The following NVL variants were observed in gnomAD, a reference collection of about 807,000 sequenced individuals.
NVL encodes nuclear VCP like, also known as nuclear valosin-containing protein-like.
NVL carries 84 observed loss-of-function variants against 110.2 expected under a neutral mutation model. The ratio of observed to expected loss-of-function variants is 0.76; its 90% CI spans 0.64 to 0.91. The LOEUF (loss-of-function observed/expected upper bound fraction) is 0.91. Ranked by LOEUF, NVL falls within the 40% of genes least tolerant of loss-of-function variation. The probability of loss-of-function intolerance (pLI) is 0.00; values close to 1 mark genes in which losing one functional copy is unlikely to be tolerated. For synonymous variants in NVL, 354 were observed against 361.1 expected, an observed-to-expected ratio of 0.98 and a Z score of 0.22; for missense variants, 882 against 1,035.9, an observed-to-expected ratio of 0.85 and a Z score of 2.04.
chr1:224,262,750 G>C (rs1252476364), intron 18 of NVL, among the ~76,000 whole-genome samples: 1 of 151,996 alleles, frequency 6.6e-6, no homozygotes, highest in Non-Finnish European at 1.5e-5. Flanking sequence ...AGAAAACAAA[G>C]CAAAAGAAAA....
chr1:224,239,292 T>C (rs974796334), intron 19 of NVL, among the ~76,000 whole-genome samples: 8 of 151,740 alleles, frequency 5.3e-5, no homozygotes, highest in African/African-American at 1.9e-4. Flanking sequence ...TTGTTAATCT[T>C]TATTATTTAA....
chr1:224,302,321 C>T (rs1485798784), intron 9 of NVL, among the ~76,000 whole-genome samples: 1 of 152,082 alleles, frequency 6.6e-6, no homozygotes. Flanking sequence ...CCTGCCTTAG[C>T]CCCCAAGTAG....
intron 19 of NVL, among the ~76,000 whole-genome samples, chr1:224,239,119 A>AT (rs1391601163): frequency 1.3e-5 from 2 of 151,784 alleles, no homozygotes; most frequent in African/African-American, 4.8e-5. Context: ...CCACTTTTTA[A>AT]TTTCTTTCTT....
intron 4 of NVL, among the ~76,000 whole-genome samples, chr1:224,314,716 G>C (rs1198732680): frequency 6.6e-6 from 1 of 152,172 alleles, no homozygotes; most frequent in African/African-American, 2.4e-5. Flanking sequence ...CTAATATCAT[G>C]AGGCCGGTGT....
At chr1:224,273,521 T>G (rs962053012) in intron 17 of NVL, among the ~76,000 whole-genome samples, 2 of 151,994 alleles carry the variant, frequency 1.3e-5, no homozygotes, top group African/African-American at 2.4e-5. Flanking sequence ...AAGAGAGAGA[T>G]AAACCAGAAG....
intron 9 of NVL, among the ~76,000 whole-genome samples, chr1:224,302,361 C>T (rs942400577): frequency 3.9e-5 from 6 of 152,070 alleles, no homozygotes; most frequent in South Asian, 4.2e-4. Context: ...CCACCACACC[C>T]GGCTAATTTT....
intron 2 of NVL, among the ~76,000 whole-genome samples, chr1:224,325,720 C>G (rs1015367948): frequency 6.6e-6 from 1 of 152,206 alleles, no homozygotes; most frequent in South Asian, 2.1e-4. Flanking sequence ...GCAACAAGAG[C>G]GAAATTCTGT....
intron 22 of NVL, among the ~76,000 whole-genome samples, chr1:224,229,582 G>A (rs1028253573): frequency 6.6e-6 from 1 of 151,056 alleles, no homozygotes; most frequent in African/African-American, 2.4e-5. Flanking sequence ...CTACAGGTGC[G>A]CAGTAGCTGG....
chr1:224,296,438 G>A (rs1478957409), intron 11 of NVL, 63 bp downstream of exon 11: 35 of 811,748 alleles, frequency 4.3e-5, no homozygotes, highest in East Asian at 5.6e-5. Flanking sequence ...TTATCTTCAT[G>A]TATTAATTAC....
chr1:224,281,277 C>CTGTGTGTGTGTGTGTGTG (rs774683945), intron 15 of NVL, 92 bp from the exon 16 acceptor site: 92 of 838,080 alleles, frequency 1.1e-4, no homozygotes, highest in Non-Finnish European at 1.5e-4. Flanking sequence ...TGAAAGGACT[C>CTGTGTGTGTGTGTGTGTG]TGTGTGCGTG....
intron 18 of NVL, 27 bp from the exon 19 acceptor site, chr1:224,250,345 T>C: frequency 6.6e-7 from 1 of 1,520,106 alleles, no homozygotes; most frequent in Non-Finnish European, 8.8e-7. Context: ...AAAAAAAGTC[T>C]TAAATAAAAC....
At chr1:224,304,171 A>C (rs1668685219) in intron 8 of NVL, among the ~76,000 whole-genome samples, 1 of 152,220 alleles carries the variant, frequency 6.6e-6, no homozygotes, top group Non-Finnish European at 1.5e-5. Context: ...TCACGCCTGT[A>C]ATCCCAGCAC....
chr1:224,267,521 C>G (rs920595221), intron 18 of NVL, among the ~76,000 whole-genome samples: 2 of 151,886 alleles, frequency 1.3e-5, no homozygotes, highest in Non-Finnish European at 2.9e-5. Context: ...AACCCCATCT[C>G]TACTAAAAAT....
At chr1:224,314,465 C>G (rs533008680) in intron 4 of NVL, among the ~76,000 whole-genome samples, 3 of 152,220 alleles carry the variant, frequency 2.0e-5, no homozygotes, top group Admixed American at 6.6e-5. Context: ...AATTCCACAC[C>G]TGAGAGAAAA....
At chr1:224,257,630 C>A (rs1571858275) in intron 18 of NVL, among the ~76,000 whole-genome samples, 2 of 152,040 alleles carry the variant, frequency 1.3e-5, no homozygotes, top group East Asian at 3.9e-4. Flanking sequence ...GGGACTCAAG[C>A]AATCCTCCCG....
chr1:224,252,051 G>A (rs1662569346), intron 18 of NVL, among the ~76,000 whole-genome samples: 1 of 152,008 alleles, frequency 6.6e-6, no homozygotes, highest in Admixed American at 6.6e-5. Context: ...TTCCTTTCTG[G>A]TTTTATTCTT....
intron 6 of NVL, among the ~76,000 whole-genome samples, chr1:224,306,846 A>T (rs937959064): frequency 2.6e-5 from 4 of 152,224 alleles, no homozygotes; most frequent in Non-Finnish European, 4.4e-5. Context: ...AACCAAAAAA[A>T]GTATTTCAGC....
At position 224,267,979 on chromosome 1, in the gene NVL, C is replaced by T. The variant is rs142557125; in HGVS notation, c.2182+55G>A. Reference sequence around the variant, plus strand: ...TTTTTAATTATCTGAATCTCTTCTACGGAAATGCTGTAAGTTTTTAGATTC... The same window carrying T: ...TTTTTAATTATCTGAATCTCTTCTATGGAAATGCTGTAAGTTTTTAGATTC... On this transcript the variant is annotated intron_variant, in intron 18 of 22. Transcript: ENST00000281701. 2,438 of 1,214,374 alleles carry T rather than the reference C, an allele frequency of 2.0e-3. 37 individuals carry two copies. In the African/African-American group the frequency reaches 0.03, roughly 15 times the overall value. 75.2% of individuals were successfully genotyped at this position (1,214,374 alleles called of 1,614,324 possible). A position where few individuals can be genotyped will look rare whatever the true frequency, so the allele number is the denominator to read the frequency against.
chr1:224,238,768 T>C (rs1022418161), intron 19 of NVL, among the ~76,000 whole-genome samples: 2 of 152,106 alleles, frequency 1.3e-5, no homozygotes, highest in Non-Finnish European at 2.9e-5. Context: ...TAGAAGTGGG[T>C]AGTGGCTGGA....
Sources: gnomAD v4.1 joint callset for allele counts (sites outside exome capture counted in the v4.1 genomes callset) on GRCh38, gnomAD v4.1.1 for gene constraint, MANE v1.5 for transcripts, NCBI Gene and HGNC (gene_info 2026-07-23, HGNC 2026-07-21) for gene names.